The following TSC22D2 variants were observed in gnomAD, a reference collection of about 807,000 sequenced individuals.
The protein encoded by TSC22D2 is TSC22 domain family member 2.
Under a neutral mutation model 50.1 loss-of-function variants are expected in TSC22D2, and 5 were observed. The ratio of observed to expected loss-of-function variants is 0.10; its 90% CI spans 0.05 to 0.21. TSC22D2 has a LOEUF of 0.21. Ranked by LOEUF, TSC22D2 falls within the 10% of genes least tolerant of loss-of-function variation. The pLI is 1.00. For synonymous variants in TSC22D2, 501 were observed against 450.1 expected, an observed-to-expected ratio of 1.11 and a Z score of -1.43; for missense variants, 1,003 against 1,015.5, an observed-to-expected ratio of 0.99 and a Z score of 0.17.
At position 150,425,708 on chromosome 3, in the gene TSC22D2, C is replaced by G. The variant is rs917270588; in HGVS notation, c.1958+14400C>G. On this transcript the variant is annotated intron_variant, in intron 1 of 2. Transcript: ENST00000688009. Reference sequence around the variant, plus strand: ...TAAGTGCCCATTTTCAGTAGACCTACCCTAAATAGCTGAATATCCCTAGTT... The same window carrying G: ...TAAGTGCCCATTTTCAGTAGACCTAGCCTAAATAGCTGAATATCCCTAGTT... Among the ~76,000 whole-genome samples, 3 of 152,228 alleles carry G rather than the reference C, an allele frequency of 2.0e-5. No individual in the cohort carries two copies. The East Asian group carries it at 5.8e-4, about 29-fold the overall frequency.
intron 1 of TSC22D2, among the ~76,000 whole-genome samples, chr3:150,417,066 A>T (rs1182349211): frequency 6.6e-6 from 1 of 152,112 alleles, no homozygotes; most frequent in African/African-American, 2.4e-5. Flanking sequence ...TGGGACATAT[A>T]CCTATTATTA....
intron 1 of TSC22D2, among the ~76,000 whole-genome samples, chr3:150,434,530 A>AT (rs1418161151): frequency 6.6e-6 from 1 of 151,974 alleles, no homozygotes; most frequent in African/African-American, 2.4e-5. Flanking sequence ...ACTTCCTTTG[A>AT]TTTTCCGTTT....
chr3:150,430,805 CAGAA>C (rs2108078460), intron 1 of TSC22D2, among the ~76,000 whole-genome samples: 1 of 151,934 alleles, frequency 6.6e-6, no homozygotes, highest in East Asian at 1.9e-4. Flanking sequence ...ATTTAGATAA[CAGAA>C]GGAAGTCTGA....
In TSC22D2 at chr3:150,458,748, TG is replaced by T. The variant is rs1721276833; in HGVS notation, c.*114del. The T allele has an allele frequency of 2.1e-6, 3 of 1,413,530 alleles. No individual in the cohort carries two copies. The South Asian group carries it at 4.2e-5, about 20-fold the overall frequency. The allele number at this position is 1,413,530 out of a possible 1,614,324, so 87.6% of individuals were successfully genotyped here. A position where few individuals can be genotyped will look rare whatever the true frequency, so the allele number is the denominator to read the frequency against. ...AGTAGCCATGCTTTGGTTGTGTGTTTGGCCTTTTCAGTATTAGACAATCATT... is the reference window on the plus strand; with the variant it reads ...AGTAGCCATGCTTTGGTTGTGTGTTTGCCTTTTCAGTATTAGACAATCATT... On this transcript the variant is annotated 3_prime_UTR_variant, in exon 3 of 3. Transcript: ENST00000688009.
At chr3:150,431,224 C>CAAAAA (rs71138443) in intron 1 of TSC22D2, among the ~76,000 whole-genome samples, 284 of 27,960 alleles carry the variant, frequency 0.01, 50 homozygotes, top group African/African-American at 0.026. Flanking sequence ...GGCTCTGTCT[C>CAAAAA]AAAAAAAAAA....
chr3:150,452,142 GT>G (rs748778684), intron 1 of TSC22D2, among the ~76,000 whole-genome samples: 3 of 152,108 alleles, frequency 2.0e-5, no homozygotes, highest in Non-Finnish European at 2.9e-5. Context: ...GTTTCTCATA[GT>G]TTTTTAAAAA....
In TSC22D2 at chr3:150,459,489, G is replaced by A. The variant is rs1053477000; in HGVS notation, c.*853G>A. The stretch of plus-strand genomic sequence containing the variant: ...TTTCGTATGACTTTTTTTTCGGGTG[G>A]GAATAAAAAGCTGTGAAATTGTTCA... On this transcript the variant is annotated 3_prime_UTR_variant, in exon 3 of 3. Coordinates refer to ENST00000688009, the MANE Select transcript of TSC22D2 (RefSeq NM_001303264.2). The A allele has an allele frequency of 6.6e-6, 1 of 151,480 alleles. No individual in the cohort carries two copies. The highest frequency in any genetic ancestry group is 2.4e-5 in the African/African-American group (1 of 41,110). The allele number at this position is 151,480 out of a possible 1,614,324, so 9.4% of individuals were successfully genotyped here.
intron 1 of TSC22D2, chr3:150,423,088 C>T (rs768331193): frequency 8.1e-6 from 13 of 1,613,042 alleles, no homozygotes; most frequent in Non-Finnish European, 1.1e-5. Context: ...TCCATTTGAA[C>T]ACGTTAAAGG....
intron 1 of TSC22D2, among the ~76,000 whole-genome samples, chr3:150,426,087 C>T (rs1029903043): frequency 1.3e-5 from 2 of 152,144 alleles, no homozygotes; most frequent in Non-Finnish European, 2.9e-5. Context: ...TTGCAGAGCC[C>T]TCAGGGAATC....
rs1265275590 is a variant in TSC22D2 at position 150,411,061 on chromosome 3, A to T, written c.1711A>T (p.Ser571Cys). Reference protein sequence around the residue: ...LAPGTHSAPTSLPQSDLSQFQ... With the variant: ...LAPGTHSAPTCLPQSDLSQFQ... ...GCCAGGCACACACAGCGCACCAACA[A>T]GTCTACCACAGTCTGACCTAAGCCA... The change falls in exon 1 of 3, where the codon AGT (serine) becomes TGT (cysteine). Residue 571 changes from serine (S) to cysteine (C), a missense_variant. By Grantham distance (112) the Ser-to-Cys change is moderately radical. This residue lies in a region of TSC22D2 where 696 missense variants were observed against 647.8 expected (regional missense o/e 1.07). Transcript: ENST00000688009. 1.2e-6 allele frequency: 2 copies of T among 1,614,208 alleles called. No individual in the cohort carries two copies. Among genetic ancestry groups the T allele is most frequent in the Non-Finnish European group, 1.7e-6 (2 of 1,180,036 alleles).
At chr3:150,440,722 A>G (rs1171388486) in intron 1 of TSC22D2, among the ~76,000 whole-genome samples, 1 of 152,114 alleles carries the variant, frequency 6.6e-6, no homozygotes, top group Non-Finnish European at 1.5e-5. Context: ...ATCAGGCAAA[A>G]TTAATTTTTT....
chr3:150,442,094 T>C (rs1284775397), intron 1 of TSC22D2, among the ~76,000 whole-genome samples: 1 of 152,226 alleles, frequency 6.6e-6, no homozygotes, highest in Non-Finnish European at 1.5e-5. Context: ...CGTTTAAGTT[T>C]TCTAATGTGG....
chr3:150,412,437 G>A (rs1196500111), intron 1 of TSC22D2, among the ~76,000 whole-genome samples: 1 of 152,126 alleles, frequency 6.6e-6, no homozygotes, highest in East Asian at 1.9e-4. Flanking sequence ...TGACATGTAT[G>A]TTAAAGCTTT....
Position 150,458,694 on chromosome 3 carries a change from T to G in TSC22D2, c.*58T>G. 1 of 1,590,900 alleles carries G rather than the reference T, an allele frequency of 6.3e-7. No homozygotes were observed. Among genetic ancestry groups the G allele is most frequent in the Non-Finnish European group, 8.6e-7 (1 of 1,168,488 alleles). On this transcript the variant is annotated 3_prime_UTR_variant, in exon 3 of 3. Transcript: ENST00000688009. ...AAAGCAATCTATCCTTGTGTGCCAC[T>G]GGTGTTCTTTCCACTTTATACGAAA...
rs773628127 is a variant in TSC22D2, at chr3:150,411,112, G to A, written c.1762G>A (p.Val588Ile). Residue 588 changes from valine (V) to isoleucine (I), a missense_variant, in exon 1 of 3, where the codon GTC becomes ATC. Val to Ile is a conservative substitution (Grantham distance 29, BLOSUM62 3). Around this residue, in one of 6 missense-constraint regions of TSC22D2, gnomAD observed 696 missense variants for 647.8 expected, o/e 1.07. Coordinates refer to ENST00000688009, the MANE Select transcript of TSC22D2 (RefSeq NM_001303264.2). ...GTTTCAAACTCAGACCCAGCCTTTA[G>A]TCGGGCAAGTCGACGATACTAGAAG... ...SQFQTQTQPL[V>I]GQVDDTRRKS... 78 of 1,614,014 alleles carry A rather than the reference G, an allele frequency of 4.8e-5. 4 individuals are homozygous for A. The South Asian group carries it at 7.1e-4, about 15-fold the overall frequency.
intron 1 of TSC22D2, among the ~76,000 whole-genome samples, chr3:150,451,090 C>T (rs1721028101): frequency 1.3e-5 from 2 of 151,940 alleles, no homozygotes; most frequent in South Asian, 2.1e-4. Context: ...ATGAAGTATG[C>T]CAAATTTACC....
intron 1 of TSC22D2, among the ~76,000 whole-genome samples, chr3:150,451,054 G>C (rs550124190): frequency 2.6e-4 from 40 of 152,178 alleles, no homozygotes; most frequent in African/African-American, 8.4e-4. Context: ...ATCAGTTTTA[G>C]TTGGTTTGGG....
At chr3:150,411,513 G>A (rs891494147) in intron 1 of TSC22D2, among the ~76,000 whole-genome samples, 1 of 152,124 alleles carries the variant, frequency 6.6e-6, no homozygotes, top group African/African-American at 2.4e-5. Context: ...TTGTTTAAAA[G>A]CACTAAAATG....
rs1333295820 is a variant in TSC22D2 at position 150,431,207 on chromosome 3, A to G, written c.1958+19899A>G. Among the ~76,000 whole-genome samples the G allele has an allele frequency of 1.3e-4, 16 of 126,768 alleles. No homozygotes were observed. In the East Asian group the frequency reaches 2.3e-3, roughly 18 times the overall value. 83.2% of individuals were successfully genotyped at this position (126,768 alleles called of 152,430 possible). ...GCCACTGCACTCCAGCCTGGGTGACAGAGTGAGGCTCTGTCTCAAAAAAAA... is the reference window on the plus strand; with the variant it reads ...GCCACTGCACTCCAGCCTGGGTGACGGAGTGAGGCTCTGTCTCAAAAAAAA... On this transcript the variant is annotated intron_variant, in intron 1 of 2. Transcript: ENST00000688009.
Sources: allele counts gnomAD v4.1 joint callset (sites outside exome capture counted in the v4.1 genomes callset), GRCh38; gene constraint gnomAD v4.1.1; regional missense constraint gnomAD v4.1.1; transcripts MANE v1.5; gene names NCBI Gene and HGNC (gene_info 2026-07-23, HGNC 2026-07-21).